Variants in CACNA2D3 observed in about 807,000 individuals in gnomAD.
CACNA2D3 encodes voltage-dependent calcium channel subunit alpha-2/delta-3.
CACNA2D3 carries 60 observed loss-of-function variants against 160.6 expected under a neutral mutation model. The observed-to-expected ratio is 0.37, with a 90% confidence interval of 0.30 to 0.46. The LOEUF is 0.46. Ranked by LOEUF, CACNA2D3 falls within the 20% of genes least tolerant of loss-of-function variation. The pLI is 1.00. For missense variants in CACNA2D3, 1,205 were observed against 1,365.0 expected (o/e 0.88, Z 1.85); for synonymous variants, 558 against 492.9 (o/e 1.13, Z -1.75).
At chr3:54,625,993 A>C (rs537962335) in intron 9 of CACNA2D3, among the ~76,000 whole-genome samples, 202 of 152,194 alleles carry the variant, frequency 1.3e-3, no homozygotes, top group Middle Eastern at 0.01. Context: ...TAAGAGAAAG[A>C]AAGCCACTCC....
At chr3:55,009,336 G>T in intron 33 of CACNA2D3, 52 bp from the exon 34 acceptor site, 1 of 1,465,728 alleles carries the variant, frequency 6.8e-7, no homozygotes, top group Non-Finnish European at 9.6e-7. Flanking sequence ...ACTGTTCTGT[G>T]ATATGGGCAT....
At chr3:54,428,960 A>T (rs1245203526) in intron 4 of CACNA2D3, among the ~76,000 whole-genome samples, 1 of 152,194 alleles carries the variant, frequency 6.6e-6, no homozygotes, top group South Asian at 2.1e-4. Flanking sequence ...ACTAGTAGAG[A>T]TCAGATGCCT....
chr3:54,985,997 C>T (rs1305882231), intron 30 of CACNA2D3, among the ~76,000 whole-genome samples: 1 of 152,164 alleles, frequency 6.6e-6, no homozygotes, highest in Non-Finnish European at 1.5e-5. Context: ...CCTGAGACAG[C>T]AGGAAAGTCC....
In CACNA2D3 at chr3:54,763,788, T is replaced by TATATATACGTATATATAC. The variant is rs374469206; in HGVS notation, c.1247-430_1247-429insATATATACGTATATATAC. On this transcript the variant is annotated intron_variant, in intron 12 of 37. Transcript: ENST00000474759. The stretch of plus-strand genomic sequence containing the variant: ...ATATATGTATATATGTACATATATA[T>TATATATACGTATATATAC]GTATATATATGTACATATATATACA... Among the ~76,000 whole-genome samples, 13 of 38,540 alleles carry TATATATACGTATATATAC rather than the reference T, an allele frequency of 3.4e-4. 3 individuals carry two copies. Among genetic ancestry groups the TATATATACGTATATATAC allele is most frequent in the South Asian group, 3.0e-3 (3 of 998 alleles). The allele number at this position is 38,540 out of a possible 152,430, so 25.3% of individuals were successfully genotyped here. A position where few individuals can be genotyped will look rare whatever the true frequency, so the allele number is the denominator to read the frequency against.
chr3:54,746,438 C>G (rs1701754567), intron 11 of CACNA2D3, among the ~76,000 whole-genome samples: 1 of 152,086 alleles, frequency 6.6e-6, no homozygotes, highest in Non-Finnish European at 1.5e-5. Context: ...TTGAGAAATC[C>G]TGGAAATATT....
At chr3:54,950,025 A>G (rs1701717562) in intron 27 of CACNA2D3, among the ~76,000 whole-genome samples, 1 of 152,182 alleles carries the variant, frequency 6.6e-6, no homozygotes, top group Admixed American at 6.5e-5. Context: ...CTTGAAGTCT[A>G]CCACCTCCAG....
At chr3:54,686,930 C>A (rs191035184) in intron 11 of CACNA2D3, among the ~76,000 whole-genome samples, 1 of 151,978 alleles carries the variant, frequency 6.6e-6, no homozygotes, top group African/African-American at 2.4e-5. Context: ...TTTTCAAATG[C>A]CTATTGAGTT....
At chr3:54,798,354 G>A (rs1220282417) in intron 13 of CACNA2D3, among the ~76,000 whole-genome samples, 1 of 152,052 alleles carries the variant, frequency 6.6e-6, no homozygotes, top group Non-Finnish European at 1.5e-5. Context: ...CCAACATGGT[G>A]AAACCCCATC....
intron 11 of CACNA2D3, among the ~76,000 whole-genome samples, chr3:54,737,243 G>A (rs1355576238): frequency 2.7e-5 from 4 of 149,784 alleles, no homozygotes; most frequent in Non-Finnish European, 4.4e-5. Flanking sequence ...TATAACAAGA[G>A]GACAGACAAA....
At chr3:54,131,275 G>T (rs1378139465) in intron 2 of CACNA2D3, among the ~76,000 whole-genome samples, 1 of 152,222 alleles carries the variant, frequency 6.6e-6, no homozygotes, top group East Asian at 1.9e-4. Context: ...CAGGAGGAAG[G>T]CTGCAGTGGC....
chr3:55,069,344 A>G (rs1704746334), intron 35 of CACNA2D3, among the ~76,000 whole-genome samples: 2 of 152,216 alleles, frequency 1.3e-5, no homozygotes, highest in Admixed American at 1.3e-4. Context: ...GAGAAATGAC[A>G]TATTTAAAAT....
chr3:54,804,704 A>G (rs144252544), intron 13 of CACNA2D3, among the ~76,000 whole-genome samples: 17,803 of 152,232 alleles, frequency 0.12, 1,112 homozygotes, highest in South Asian at 0.21. Flanking sequence ...AGCGGACCTA[A>G]TAGATATCTA....
chr3:54,699,428 G>A (rs1400355514), intron 11 of CACNA2D3, among the ~76,000 whole-genome samples: 1 of 152,118 alleles, frequency 6.6e-6, no homozygotes, highest in Non-Finnish European at 1.5e-5. Flanking sequence ...CATCCTTTGG[G>A]AAACAGCCTG....
chr3:54,590,299 C>A (rs1437115568), intron 9 of CACNA2D3, among the ~76,000 whole-genome samples: 1 of 152,000 alleles, frequency 6.6e-6, no homozygotes, highest in Non-Finnish European at 1.5e-5. Context: ...GGGAGTCATG[C>A]TGAGTGAAAA....
chr3:54,495,343 A>AT (rs930301088), intron 4 of CACNA2D3, among the ~76,000 whole-genome samples: 4 of 152,026 alleles, frequency 2.6e-5, no homozygotes, highest in East Asian at 3.9e-4. Context: ...AGTGACTTTA[A>AT]TTTTTTTTAT....
chr3:54,145,818 C>A (rs1313968219), intron 2 of CACNA2D3, among the ~76,000 whole-genome samples: 2 of 152,176 alleles, frequency 1.3e-5, no homozygotes, highest in Non-Finnish European at 2.9e-5. Flanking sequence ...ATTGCTTCGT[C>A]ATTGCCTCTC....
chr3:54,443,629 C>A (rs371804610), intron 4 of CACNA2D3, among the ~76,000 whole-genome samples: 2 of 152,142 alleles, frequency 1.3e-5, no homozygotes, highest in African/African-American at 2.4e-5. Flanking sequence ...CCTTGGCCGA[C>A]GACCCTGGCA....
intron 27 of CACNA2D3, chr3:54,927,962 T>A (rs745724659): frequency 6.5e-5 from 103 of 1,588,638 alleles, no homozygotes; most frequent in Non-Finnish European, 8.7e-5. Flanking sequence ...CTTTAATTAA[T>A]GTGCAGAGCA....
intron 11 of CACNA2D3, among the ~76,000 whole-genome samples, chr3:54,699,418 C>T (rs534851128): frequency 1.3e-5 from 2 of 152,252 alleles, no homozygotes; most frequent in African/African-American, 4.8e-5. Context: ...AAAGTCTTTC[C>T]ATCCTTTGGG....
Sources: gnomAD v4.1 joint callset for allele counts (sites outside exome capture counted in the v4.1 genomes callset) on GRCh38, gnomAD v4.1.1 for gene constraint, MANE v1.5 for transcripts, NCBI Gene and HGNC (gene_info 2026-07-23, HGNC 2026-07-21) for gene names.